Variants in MYH6 observed in about 807,000 individuals in gnomAD.
MYH6 encodes the protein myosin heavy chain 6, also known as myosin-6.
A neutral mutation model predicts 223.2 loss-of-function variants in MYH6; 126 were observed. The ratio of observed to expected loss-of-function variants is 0.56; its 90% confidence interval spans 0.49 to 0.65. The LOEUF (loss-of-function observed/expected upper bound fraction) is 0.65. Ranked by LOEUF, MYH6 falls within the 30% of genes least tolerant of loss-of-function variation. The probability of loss-of-function intolerance (pLI) is 0.00; values close to 1 mark genes in which losing one functional copy is unlikely to be tolerated. For synonymous variants in MYH6, 978 were observed against 1,010.2 expected (o/e 0.97, Z 0.61); for missense variants, 2,040 against 2,536.4 (o/e 0.80, Z 4.20).
In MYH6 at chr14:23,397,958, C is replaced by CTTCTTCTAT. The variant is rs1566512501; in HGVS notation, c.1892-346_1892-345insATAGAAGAA. ...TCTTCTTCTTCTTCTTCTTCTTCTT[C>CTTCTTCTAT]TTCTTCTTCTTCTTCTTCTTCTTCT... On this transcript the variant is annotated intron_variant, in intron 15 of 38. Coordinates refer to ENST00000405093, the MANE Select transcript of MYH6 (RefSeq NM_002471.4). Among the ~76,000 whole-genome samples the CTTCTTCTAT allele has an allele frequency of 1.5e-3, 170 of 113,698 alleles. 2 individuals are homozygous for CTTCTTCTAT. The highest frequency in any genetic ancestry group is 2.1e-3 in the Non-Finnish European group (118 of 55,656). The allele number at this position is 113,698 out of a possible 152,430, so 74.6% of individuals were successfully genotyped here. A position where few individuals can be genotyped will look rare whatever the true frequency, so the allele number is the denominator to read the frequency against.
chr14:23,402,903 G>A, intron 10 of MYH6, 103 bp from the exon 11 acceptor site: 1 of 796,030 alleles, frequency 1.3e-6, no homozygotes, highest in South Asian at 1.4e-5. Context: ...AGGGGTAAGG[G>A]ACGGGGTGAA....
At chr14:23,397,713 T>C in intron 15 of MYH6, 100 bp from the exon 16 acceptor site, 1 of 1,221,638 alleles carries the variant, frequency 8.2e-7, no homozygotes, top group Middle Eastern at 1.9e-4. Flanking sequence ...TCTGAGACTT[T>C]GGGCAAGGAA....
At chr14:23,408,217 G>T in intron 1 of MYH6, 36 bp downstream of exon 1, 12 of 985,222 alleles carry the variant, frequency 1.2e-5, no homozygotes, top group Non-Finnish European at 1.4e-5. Flanking sequence ...CTCTGTGGAC[G>T]GGCTGCAGGG....
intron 29 of MYH6, chr14:23,388,646 G>T (rs772480450): frequency 1.1e-6 from 1 of 898,890 alleles, no homozygotes; most frequent in Admixed American, 1.7e-5. Flanking sequence ...GGTATAACCC[G>T]GGCCAAAAGC....
Position 23,383,339 on chromosome 14 carries a change from G to GCCCCCCC in MYH6, c.5566-20_5566-19insGGGGGGG. On this transcript the variant is annotated intron_variant, in intron 36 of 38. Coordinates refer to ENST00000405093, the MANE Select transcript of MYH6 (RefSeq NM_002471.4). ...CCTCTGTCTGGGGGTGGGAGGGTGG[G>GCCCCCCC]AGAAGCTGGTTTGGAGGGGGAGCAA... The GCCCCCCC allele has an allele frequency of 9.2e-6, 1 of 108,190 alleles. No homozygotes were observed. Among genetic ancestry groups the GCCCCCCC allele is most frequent in the Non-Finnish European group, 1.8e-5 (1 of 54,376 alleles). The allele number at this position is 108,190 out of a possible 1,614,324, so 6.7% of individuals were successfully genotyped here.
At chr14:23,406,507 AAC>A (rs1891793188) in intron 3 of MYH6, among the ~76,000 whole-genome samples, 3 of 152,194 alleles carry the variant, frequency 2.0e-5, no homozygotes, top group Non-Finnish European at 4.4e-5. Flanking sequence ...CGCAGCTGGT[AAC>A]CAGGGGTGAT....
Position 23,387,581 on chromosome 14 carries a change from T to A in MYH6, c.4598A>T (p.Lys1533Ile), listed in dbSNP as rs1891069555. Residue 1533 changes from lysine (K) to isoleucine (I), a missense_variant, in exon 32 of 39, where the codon AAA (lysine) becomes ATA (isoleucine). Transcript: ENST00000405093. ...KNVHELEKVRKQLEVEKLELQ... is the reference protein window; with the variant it reads ...KNVHELEKVRIQLEVEKLELQ... ...CTCCAGCTTCTCCACCTCCAGCTGT[T>A]TGCGGACCTTCTCCAGCTCATGCAC... The A allele has an allele frequency of 6.2e-7, 1 of 1,613,946 alleles. No homozygotes were observed. Among genetic ancestry groups the A allele is most frequent in the Non-Finnish European group, 8.5e-7 (1 of 1,180,000 alleles).
At chr14:23,393,549 T>A in intron 22 of MYH6, 31 bp from the exon 23 acceptor site, 1 of 1,613,918 alleles carries the variant, frequency 6.2e-7, no homozygotes, top group Non-Finnish European at 8.5e-7. Flanking sequence ...CCCTTTAGGG[T>A]CAAAGATCAC....
chr14:23,395,145 A>G (rs1221786194), intron 20 of MYH6, among the ~76,000 whole-genome samples: 1 of 152,270 alleles, frequency 6.6e-6, no homozygotes, highest in Non-Finnish European at 1.5e-5. Flanking sequence ...GGTTACAGGC[A>G]TAAGCCACTG....
chr14:23,401,433 C>T (rs772673961), intron 12 of MYH6, among the ~76,000 whole-genome samples: 2 of 152,250 alleles, frequency 1.3e-5, no homozygotes, highest in Non-Finnish European at 2.9e-5. Flanking sequence ...CAGGGCTTGC[C>T]TTGGTTACTC....
chr14:23,401,213 C>G (rs1396695225), intron 12 of MYH6, among the ~76,000 whole-genome samples: 8 of 152,108 alleles, frequency 5.3e-5, no homozygotes, highest in African/African-American at 1.7e-4. Flanking sequence ...CACCATGTTG[C>G]CCAGGCTGGT....
rs149771264 is a variant in MYH6, at chr14:23,386,570, G to T, written c.4704C>A (p.Asn1568Lys). The change falls in exon 33 of 39, where the codon AAC becomes AAA. Residue 1568 changes from asparagine to lysine, a missense_variant. Physicochemically the swap from Asn to Lys is moderately conservative, Grantham distance 94. Coordinates refer to ENST00000405093, the MANE Select transcript of MYH6 (RefSeq NM_002471.4). ...GKILRAQLEF[N>K]QIKAEIERKL... The stretch of plus-strand genomic sequence containing the variant: ...TCCGCTCGATCTCTGCCTTGATCTG[G>T]TTGAACTCTAGCTGGGCCCGGAGGA... 8.1e-5 allele frequency: 130 copies of T among 1,606,212 alleles called. No homozygotes were observed. Among genetic ancestry groups the T allele is most frequent in the Non-Finnish European group, 9.7e-5 (114 of 1,175,036 alleles).
chr14:23,405,544 C>G lies in MYH6; in HGVS notation c.345+83G>C, dbSNP rs763662714. 16 of 1,605,876 alleles carry G rather than the reference C, an allele frequency of 1.0e-5. No individual in the cohort carries two copies. The highest frequency in any genetic ancestry group is 1.7e-5 in the Admixed American group (1 of 58,648). On this transcript the variant is annotated intron_variant, in intron 4 of 38. Coordinates refer to ENST00000405093, the MANE Select transcript of MYH6 (RefSeq NM_002471.4). The surrounding 1 kb of genome is among the most constrained non-coding windows in gnomAD (Gnocchi z 4.7). ...ACTTGGGTCCCTTGGGAGTCTCTCC[C>G]CCTCTTCTTGGGAGAGCCCCCCTGG...
At position 23,389,071 on chromosome 14, in the gene MYH6, G is replaced by GCCC; in HGVS notation, c.3979-17_3979-16insGGG. 3 of 1,313,794 alleles carry GCCC rather than the reference G, an allele frequency of 2.3e-6. No individual in the cohort carries two copies. The highest frequency in any genetic ancestry group is 2.2e-6 in the Non-Finnish European group (2 of 917,422). The allele number at this position is 1,313,794 out of a possible 1,614,324, so 81.4% of individuals were successfully genotyped here. On this transcript the variant is annotated splice_polypyrimidine_tract_variant and intron_variant, in intron 28 of 38. Transcript: ENST00000405093. ...CGTTCTTCGCCTGGGGAGGGGGGGGGGCACCAGGAGGTGGGAGGGACTCCC... is the reference window on the plus strand; with the variant it reads ...CGTTCTTCGCCTGGGGAGGGGGGGGGCCCGCACCAGGAGGTGGGAGGGACTCCC...
intron 35 of MYH6, 81 bp from the exon 36 acceptor site, chr14:23,384,798 C>T (rs1890970264): frequency 1.2e-6 from 2 of 1,613,438 alleles, no homozygotes; most frequent in Admixed American, 1.7e-5. Context: ...TTTCTCCCAT[C>T]AGGCCCTCAA....
chr14:23,387,774 C>G lies in MYH6; in HGVS notation c.4509G>C (p.Glu1503Asp). 6.2e-7 allele frequency: 1 copy of G among 1,614,088 alleles called. No homozygotes were observed. The highest frequency in any genetic ancestry group is 8.5e-7 in the Non-Finnish European group (1 of 1,180,016). The part of the protein sequence containing the change: ...SLEHLETFKR[E>D]NKNLQEEISD... Reference sequence around the variant, plus strand: ...CCAGCACACCCTGAAGGTTCTTGTTCTCCCGCTTGAAGGTCTCTAGGTGCT... The same window carrying G: ...CCAGCACACCCTGAAGGTTCTTGTTGTCCCGCTTGAAGGTCTCTAGGTGCT... The change falls in exon 31 of 39, where the codon GAG becomes GAC. Residue 1503 changes from glutamate to aspartate, a missense_variant. By Grantham distance (45) the Glu-to-Asp change is conservative (BLOSUM62 2). Around this residue, in one of 4 missense-constraint regions of MYH6, gnomAD observed 1,203 missense variants for 1,400.2 expected, o/e 0.86. Transcript: ENST00000405093.
chr14:23,393,997 C>T (rs956998660), intron 21 of MYH6, 71 bp downstream of exon 21: 53 of 1,613,556 alleles, frequency 3.3e-5, no homozygotes, highest in Non-Finnish European at 3.7e-5. Context: ...ACTCCCAGTC[C>T]CTGGTTGTGA....
rs1891822049 is a variant in MYH6, at chr14:23,407,310, GC to G, written c.-13-75del. On this transcript the variant is annotated intron_variant, in intron 2 of 38. Coordinates refer to ENST00000405093, the MANE Select transcript of MYH6 (RefSeq NM_002471.4). This position sits in a 1 kb window ranked among gnomAD's most constrained non-coding sequence, Gnocchi z 5.6. ...CCAGCGAGTGGCTTTGTCCTCTGCAGCCCCCCTCCCTACCCCCGCTCCTCTC... is the reference window on the plus strand; with the variant it reads ...CCAGCGAGTGGCTTTGTCCTCTGCAGCCCCCTCCCTACCCCCGCTCCTCTC... 1.9e-6 allele frequency: 3 copies of G among 1,544,266 alleles called. No individual in the cohort carries two copies. Among genetic ancestry groups the G allele is most frequent in the Non-Finnish European group, 2.7e-6 (3 of 1,125,136 alleles).
chr14:23,389,040 C>T lies in MYH6; in HGVS notation c.3994G>A (p.Ala1332Thr). 2 of 1,578,202 alleles carry T rather than the reference C, an allele frequency of 1.3e-6. No homozygotes were observed. The highest frequency in any genetic ancestry group is 2.2e-5 in the South Asian group (2 of 89,644). Residue 1332 changes from alanine (A) to threonine (T), a missense_variant, in exon 29 of 39, where the codon GCC (alanine) becomes ACC (threonine). Coordinates refer to ENST00000405093, the MANE Select transcript of MYH6 (RefSeq NM_002471.4). ...EEEGKAKNAL[A>T]HALQSARHDC... ...TGCCGGGCCGACTGCAGTGCATGGG[C>T]CAGGGCGTTCTTCGCCTGGGGAGGG...
Sources: allele counts gnomAD v4.1 joint callset (sites outside exome capture counted in the v4.1 genomes callset), GRCh38; gene constraint gnomAD v4.1.1; regional missense constraint gnomAD v4.1.1; non-coding constraint Gnocchi (gnomAD v3.1); transcripts MANE v1.5; gene names NCBI Gene and HGNC (gene_info 2026-07-23, HGNC 2026-07-21).